The following DPF3 variants were observed in gnomAD, a reference collection of about 807,000 sequenced individuals.
DPF3 encodes the protein zinc finger protein DPF3.
A neutral mutation model predicts 56.8 loss-of-function variants in DPF3; 18 were observed. That is an observed-to-expected ratio of 0.32 (90% CI 0.22 to 0.47). The LOEUF (loss-of-function observed/expected upper bound fraction) is 0.47, where lower values mean the gene tolerates loss of function less well. DPF3 is among the 20% of genes least tolerant of loss of function. The probability of loss-of-function intolerance (pLI) is 1.00; values close to 1 mark genes in which losing one functional copy is unlikely to be tolerated. For missense variants in DPF3, 403 were observed against 488.8 expected, an observed-to-expected ratio of 0.82 and a Z score of 1.65; for synonymous variants, 188 against 180.2, an observed-to-expected ratio of 1.04 and a Z score of -0.35.
intron 6 of DPF3, among the ~76,000 whole-genome samples, chr14:72,699,609 G>A (rs1460696385): frequency 1.3e-5 from 2 of 151,650 alleles, no homozygotes; most frequent in Non-Finnish European, 2.9e-5. Flanking sequence ...GTTTCAAGAC[G>A]ACAGTAACAA....
chr14:72,754,687 G>T (rs899478166), intron 2 of DPF3, among the ~76,000 whole-genome samples: 1 of 152,132 alleles, frequency 6.6e-6, no homozygotes, highest in Non-Finnish European at 1.5e-5. Context: ...AGGGAAACTG[G>T]CTTCATTTTT....
chr14:72,747,794 C>A (rs1239749474), intron 3 of DPF3, among the ~76,000 whole-genome samples: 1 of 152,048 alleles, frequency 6.6e-6, no homozygotes, highest in Non-Finnish European at 1.5e-5. Context: ...ATGGGTCTCA[C>A]GAGATCTGAT....
chr14:72,754,483 G>C (rs1191840546), intron 2 of DPF3, among the ~76,000 whole-genome samples: 1 of 152,212 alleles, frequency 6.6e-6, no homozygotes, highest in African/African-American at 2.4e-5. Context: ...TTGAATTAAT[G>C]AATGAATATA....
At chr14:72,686,126 A>G (rs1203102205) in intron 7 of DPF3, among the ~76,000 whole-genome samples, 1 of 152,238 alleles carries the variant, frequency 6.6e-6, no homozygotes, top group African/African-American at 2.4e-5. Flanking sequence ...TCTGTGTCCC[A>G]TATCTAAGAT....
chr14:72,662,785 G>T (rs557917208), intron 8 of DPF3: 106 of 987,994 alleles, frequency 1.1e-4, no homozygotes, highest in Non-Finnish European at 1.2e-4. Context: ...CACCTTCTTC[G>T]GAAATGGCTT....
At chr14:72,762,171 G>T (rs1354029652) in intron 2 of DPF3, among the ~76,000 whole-genome samples, 1 of 151,666 alleles carries the variant, frequency 6.6e-6, no homozygotes, top group Non-Finnish European at 1.5e-5. Flanking sequence ...TAAAAATGAA[G>T]AAATACTTCC....
At chr14:72,884,879 G>A (rs1425788602) in intron 1 of DPF3, among the ~76,000 whole-genome samples, 6 of 142,046 alleles carry the variant, frequency 4.2e-5, no homozygotes, top group Non-Finnish European at 9.2e-5. Flanking sequence ...GGCGGATCAC[G>A]AGGTCAGGAG....
chr14:72,793,119 C>T (rs938225783), intron 1 of DPF3, among the ~76,000 whole-genome samples: 5 of 152,158 alleles, frequency 3.3e-5, no homozygotes, highest in Admixed American at 3.3e-4. Context: ...TGGAGAAACT[C>T]AGAATGAAAG....
At chr14:72,861,214 T>C (rs1885393581) in intron 1 of DPF3, among the ~76,000 whole-genome samples, 1 of 152,152 alleles carries the variant, frequency 6.6e-6, no homozygotes, top group South Asian at 2.1e-4. Context: ...GAATATATAT[T>C]TTTATTTCTC....
intron 7 of DPF3, among the ~76,000 whole-genome samples, chr14:72,676,860 T>C (rs1442752703): frequency 1.3e-5 from 2 of 152,208 alleles, no homozygotes; most frequent in African/African-American, 4.8e-5. Flanking sequence ...AATGGACTAA[T>C]ACAATTCTAC....
At chr14:72,883,740 C>T (rs1214348839) in intron 1 of DPF3, among the ~76,000 whole-genome samples, 3 of 151,962 alleles carry the variant, frequency 2.0e-5, no homozygotes, top group Non-Finnish European at 4.4e-5. Context: ...CCAGCCTGGC[C>T]AACATGATAA....
rs35648169 is a variant in DPF3, at chr14:72,798,254, C to CAAAAA, written c.33-26366_33-26362dup. 4.8e-4 allele frequency among the ~76,000 whole-genome samples: 26 copies of CAAAAA among 53,940 alleles called. 1 individual carries two copies. The highest frequency in any genetic ancestry group is 1.1e-3 in the African/African-American group (19 of 17,512). The allele number at this position is 53,940 out of a possible 152,430, so 35.4% of individuals were successfully genotyped here. A position where few individuals can be genotyped will look rare whatever the true frequency, so the allele number is the denominator to read the frequency against. ...GGGAAGACAGAGCTAGCCTTCATCT[C>CAAAAA]AAAAAAAAAAAAAAAAAAAAAAAAA... is the stretch of plus-strand genomic sequence containing the variant. On this transcript the variant is annotated intron_variant, in intron 1 of 10. Coordinates refer to ENST00000556509, the MANE Select transcript of DPF3 (RefSeq NM_001280542.3).
chr14:72,828,302 G>A (rs1204577566), intron 1 of DPF3, among the ~76,000 whole-genome samples: 1 of 152,142 alleles, frequency 6.6e-6, no homozygotes, highest in Non-Finnish European at 1.5e-5. Flanking sequence ...AGAGCTATGG[G>A]GAGGAGAAGT....
chr14:72,668,922 C>A (rs901886437), intron 8 of DPF3, among the ~76,000 whole-genome samples: 5 of 152,284 alleles, frequency 3.3e-5, no homozygotes, highest in Non-Finnish European at 5.9e-5. Flanking sequence ...TAGCAGAAAC[C>A]TACTGGAACA....
chr14:72,624,666 C>T (rs1567180176), intron 9 of DPF3, among the ~76,000 whole-genome samples: 1 of 152,196 alleles, frequency 6.6e-6, no homozygotes, highest in Non-Finnish European at 1.5e-5. Flanking sequence ...TACCAGGGAT[C>T]CAATCCAAGA....
intron 1 of DPF3, among the ~76,000 whole-genome samples, chr14:72,777,477 G>GA (rs1891790933): frequency 6.6e-6 from 1 of 152,184 alleles, no homozygotes; most frequent in Non-Finnish European, 1.5e-5. Context: ...CCTCCTCACA[G>GA]AAAAAATCCA....
chr14:72,769,813 C>T (rs1891446932), intron 2 of DPF3, among the ~76,000 whole-genome samples: 1 of 151,868 alleles, frequency 6.6e-6, no homozygotes, highest in East Asian at 1.9e-4. Flanking sequence ...TCTGTGAGTT[C>T]CTGGTGGTAT....
intron 9 of DPF3, among the ~76,000 whole-genome samples, chr14:72,627,327 G>A (rs1221614849): frequency 6.6e-6 from 1 of 152,064 alleles, no homozygotes; most frequent in Non-Finnish European, 1.5e-5. Flanking sequence ...TTATTTTTAT[G>A]TATGGTGTAA....
At chr14:72,714,634 A>G (rs1031717878) in intron 5 of DPF3, 133 bp from the exon 6 acceptor site, 8 of 931,606 alleles carry the variant, frequency 8.6e-6, no homozygotes, top group Non-Finnish European at 1.3e-5. Flanking sequence ...CTTACAGGGG[A>G]GGAAACTGAG....
Sources: allele counts gnomAD v4.1 joint callset (sites outside exome capture counted in the v4.1 genomes callset), GRCh38; gene constraint gnomAD v4.1.1; transcripts MANE v1.5; gene names NCBI Gene and HGNC (gene_info 2026-07-23, HGNC 2026-07-21).